SLC2A12: variants seen among roughly 807,000 people sequenced by gnomAD.
SLC2A12 encodes the protein solute carrier family 2, facilitated glucose transporter member 12.
In SLC2A12, 23 loss-of-function variants were observed where a neutral mutation model predicts 41.8. The ratio of observed to expected loss-of-function variants is 0.55; its 90% CI spans 0.40 to 0.78. The LOEUF (loss-of-function observed/expected upper bound fraction) is 0.78. Ranked by LOEUF, SLC2A12 falls within the 30% of genes least tolerant of loss-of-function variation. The pLI, the probability that SLC2A12 is intolerant of heterozygous loss-of-function variation, is 0.00. For missense variants in SLC2A12, 654 were observed against 745.6 expected (o/e 0.88, Z 1.43); for synonymous variants, 295 against 285.9 (o/e 1.03, Z -0.32).
intron 2 of SLC2A12, among the ~76,000 whole-genome samples, chr6:134,023,059 C>A (rs1164387624): frequency 2.0e-5 from 3 of 152,026 alleles, no homozygotes; most frequent in African/African-American, 7.3e-5. Flanking sequence ...TTCAAAGCTC[C>A]CCCTTTGCCC....
chr6:134,035,084 G>A (rs957718034), intron 1 of SLC2A12, among the ~76,000 whole-genome samples: 31 of 147,584 alleles, frequency 2.1e-4, no homozygotes, highest in African/African-American at 7.1e-4. Flanking sequence ...CCCAAAGTAC[G>A]GCACATTGGT....
At chr6:134,005,139 T>C (rs949420427) in intron 3 of SLC2A12, among the ~76,000 whole-genome samples, 1 of 152,270 alleles carries the variant, frequency 6.6e-6, no homozygotes, top group African/African-American at 2.4e-5. Context: ...CTTCTGTTTC[T>C]GATTTGATCC....
intron 1 of SLC2A12, among the ~76,000 whole-genome samples, chr6:134,034,652 G>A (rs1436334041): frequency 2.0e-5 from 3 of 152,188 alleles, no homozygotes; most frequent in East Asian, 3.8e-4. Flanking sequence ...GCAGTGAACA[G>A]GAAGCAAGAG....
intron 1 of SLC2A12, among the ~76,000 whole-genome samples, chr6:134,043,843 TG>T (rs1213245929): frequency 6.6e-6 from 1 of 151,330 alleles, no homozygotes; most frequent in Non-Finnish European, 1.5e-5. Flanking sequence ...TAAATTAATA[TG>T]GTCTCCTTCC....
chr6:134,042,984 A>G, intron 1 of SLC2A12, among the ~76,000 whole-genome samples: 1 of 151,800 alleles, frequency 6.6e-6, no homozygotes, highest in Non-Finnish European at 1.5e-5. Flanking sequence ...AACAAAACAA[A>G]ACAAAACAAA....
At position 133,988,930 on chromosome 6, in the gene SLC2A12, A is replaced by T. The variant is rs912714148; in HGVS notation, c.*2225T>A. 3 of 152,300 alleles carry T rather than the reference A, an allele frequency of 2.0e-5. No homozygotes were observed. Among genetic ancestry groups the T allele is most frequent in the African/African-American group, 7.2e-5 (3 of 41,572 alleles). The allele number at this position is 152,300 out of a possible 1,614,324, so 9.4% of individuals were successfully genotyped here. ...AAAAGAAACATAGAATAGGGGGAAA[A>T]CATGCTTATATAGCCAAGGTACAGA... On this transcript the variant is annotated 3_prime_UTR_variant, in exon 5 of 5. Transcript: ENST00000275230.
At chr6:134,023,463 G>C (rs983046108) in intron 2 of SLC2A12, among the ~76,000 whole-genome samples, 8 of 152,164 alleles carry the variant, frequency 5.3e-5, no homozygotes, top group Non-Finnish European at 8.8e-5. Context: ...TTCAGCTTTG[G>C]GGTTGTTGTG....
chr6:134,026,009 C>T (rs115588813), intron 2 of SLC2A12, among the ~76,000 whole-genome samples: 35 of 152,310 alleles, frequency 2.3e-4, no homozygotes, highest in African/African-American at 8.4e-4. Flanking sequence ...ATTGAAAGGA[C>T]TCTAACCATG....
chr6:134,002,001 T>C lies in SLC2A12; in HGVS notation c.1696A>G (p.Lys566Glu), dbSNP rs1776759496. The C allele has an allele frequency of 6.2e-7, 1 of 1,609,696 alleles. No individual in the cohort carries two copies. Among genetic ancestry groups the C allele is most frequent in the African/African-American group, 1.3e-5 (1 of 74,610 alleles). The change falls in exon 4 of 5, where the codon AAA (lysine) becomes GAA (glutamate). Residue 566 changes from lysine to glutamate, a missense_variant. By Grantham distance (56) the Lys-to-Glu change is moderately conservative (BLOSUM62 1). Coordinates refer to ENST00000275230, the MANE Select transcript of SLC2A12 (RefSeq NM_145176.3). ...ACCAATGCATGTAATACTTACACTT[T>C]TGCTAGCTCCATTGATATTTGTTCC... is the stretch of plus-strand genomic sequence containing the variant. Reference protein sequence around the residue: ...SLEQISMELAKVNYVKNNICF... With the variant: ...SLEQISMELAEVNYVKNNICF...
In SLC2A12 at chr6:133,989,375, G is replaced by A. The variant is rs1210161311; in HGVS notation, c.*1780C>T. On this transcript the variant is annotated 3_prime_UTR_variant, in exon 5 of 5. Coordinates refer to ENST00000275230, the MANE Select transcript of SLC2A12 (RefSeq NM_145176.3). ...AAGAAAAATATAAAAGAATGCTCAA[G>A]ATACTGAAGTCAAGGTCACTAGTAA... 1.2e-4 allele frequency: 18 copies of A among 152,050 alleles called. No homozygotes were observed. The highest frequency in any genetic ancestry group is 1.2e-3 in the Admixed American group (18 of 15,262). The allele number at this position is 152,050 out of a possible 1,614,324, so 9.4% of individuals were successfully genotyped here. A position where few individuals can be genotyped will look rare whatever the true frequency, so the allele number is the denominator to read the frequency against.
At chr6:134,040,346 T>C (rs925342757) in intron 1 of SLC2A12, among the ~76,000 whole-genome samples, 8 of 152,196 alleles carry the variant, frequency 5.3e-5, no homozygotes, top group African/African-American at 1.9e-4. Flanking sequence ...CCCAAAGTGC[T>C]GGGATTACAG....
intron 1 of SLC2A12, among the ~76,000 whole-genome samples, chr6:134,048,914 T>C (rs1255337050): frequency 6.6e-6 from 1 of 152,176 alleles, no homozygotes; most frequent in Non-Finnish European, 1.5e-5. Context: ...AGTCTCCGTC[T>C]CTTTTACAAG....
At chr6:133,991,578 A>C (rs1354444029) in intron 4 of SLC2A12, among the ~76,000 whole-genome samples, 1 of 152,182 alleles carries the variant, frequency 6.6e-6, no homozygotes, top group Non-Finnish European at 1.5e-5. Flanking sequence ...TATTACATAC[A>C]GAGAACCAGT....
At chr6:134,021,503 C>T (rs1317145925) in intron 2 of SLC2A12, among the ~76,000 whole-genome samples, 1 of 152,178 alleles carries the variant, frequency 6.6e-6, no homozygotes, top group Non-Finnish European at 1.5e-5. Context: ...GATGTGTTCT[C>T]ACATTGTAAC....
rs575153666 is a variant in SLC2A12 at position 134,024,317 on chromosome 6, G to T, written c.1444+4064C>A. 4.6e-5 allele frequency among the ~76,000 whole-genome samples: 7 copies of T among 152,264 alleles called. No individual in the cohort carries two copies. The South Asian group carries it at 1.2e-3, about 27-fold the overall frequency. On this transcript the variant is annotated intron_variant, in intron 2 of 4. Transcript: ENST00000275230. ...TGCTTTGAGTCCAGCTTTTCCTCCGGCCTGCCCTGCTGCCAAGCAGAAGCT... is the reference window on the plus strand; with the variant it reads ...TGCTTTGAGTCCAGCTTTTCCTCCGTCCTGCCCTGCTGCCAAGCAGAAGCT...
rs200249148 is a variant in SLC2A12, at chr6:133,987,648, G to GTGTGTATATATATATATATATATATATA, written c.*3506_*3507insTATATATATATATATATATATATACACA. 5.7e-5 allele frequency: 5 copies of GTGTGTATATATATATATATATATATATA among 88,314 alleles called. No homozygotes were observed. The highest frequency in any genetic ancestry group is 1.5e-4 in the African/African-American group (4 of 27,496). 5.5% of individuals were successfully genotyped at this position (88,314 alleles called of 1,614,324 possible). On this transcript the variant is annotated 3_prime_UTR_variant, in exon 5 of 5. Coordinates refer to ENST00000275230, the MANE Select transcript of SLC2A12 (RefSeq NM_145176.3). ...TTTGTGTGTGTGTGTGTGTGTGTGT[G>GTGTGTATATATATATATATATATATATA]TATATATATATATATATATGCACCA... is the stretch of plus-strand genomic sequence containing the variant.
chr6:134,022,561 AAGAAAAGAAAAGAAAAG>A (rs1777057858), intron 2 of SLC2A12, among the ~76,000 whole-genome samples: 3 of 83,686 alleles, frequency 3.6e-5, no homozygotes. Flanking sequence ...AAGAAAAGAA[AAGAAAAGAAAAGAAAAG>A]AAAAGAAAAG....
chr6:134,046,475 T>G (rs1777455291), intron 1 of SLC2A12, among the ~76,000 whole-genome samples: 1 of 152,212 alleles, frequency 6.6e-6, no homozygotes, highest in Non-Finnish European at 1.5e-5. Flanking sequence ...TAATAAATTA[T>G]TTTAGTCTTA....
chr6:134,035,063 G>T (rs1360637656), intron 1 of SLC2A12, among the ~76,000 whole-genome samples: 1 of 144,996 alleles, frequency 6.9e-6, no homozygotes, highest in Non-Finnish European at 1.5e-5. Flanking sequence ...TTGGGGCTCG[G>T]AATAAGATAC....
Sources: allele counts gnomAD v4.1 joint callset (sites outside exome capture counted in the v4.1 genomes callset), GRCh38; gene constraint gnomAD v4.1.1; transcripts MANE v1.5; gene names NCBI Gene and HGNC (gene_info 2026-07-23, HGNC 2026-07-21).